The following LUZP2 variants were observed in gnomAD, a reference collection of about 807,000 sequenced individuals.
The protein encoded by LUZP2 is leucine zipper protein 2.
A neutral mutation model predicts 51.6 loss-of-function variants in LUZP2; 52 were observed. The ratio of observed to expected loss-of-function variants is 1.01; its 90% CI spans 0.81 to 1.27. The LOEUF (loss-of-function observed/expected upper bound fraction) is 1.27. Among genes scored for constraint, LUZP2 ranks in the 50% most tolerant of loss-of-function variants. LUZP2 has a pLI of 0.00. For synonymous variants in LUZP2, 154 were observed against 137.3 expected, an observed-to-expected ratio of 1.12 and a Z score of -0.85; for missense variants, 436 against 395.4, an observed-to-expected ratio of 1.10 and a Z score of -0.87.
chr11:24,922,825 C>CTTTTTTTTTTTTTTTT (rs1277388215), intron 7 of LUZP2, among the ~76,000 whole-genome samples: 2 of 44,622 alleles, frequency 4.5e-5, no homozygotes, highest in Non-Finnish European at 6.4e-5. Flanking sequence ...ACAGTTATAT[C>CTTTTTTTTTTTTTTTT]TTTTTTTTTT....
intron 1 of LUZP2, among the ~76,000 whole-genome samples, chr11:24,619,424 A>AT (rs1854417976): frequency 6.6e-6 from 1 of 152,140 alleles, no homozygotes; most frequent in African/African-American, 2.4e-5. Flanking sequence ...GGAGACCAGA[A>AT]TTTTCTTATC....
chr11:24,974,537 T>C (rs2133901636), intron 7 of LUZP2, among the ~76,000 whole-genome samples: 1 of 152,250 alleles, frequency 6.6e-6, no homozygotes, highest in East Asian at 1.9e-4. Context: ...TAGTTCTATG[T>C]ATTTATGACA....
At chr11:24,550,691 C>G (rs1358317437) in intron 1 of LUZP2, among the ~76,000 whole-genome samples, 1 of 152,088 alleles carries the variant, frequency 6.6e-6, no homozygotes, top group African/African-American at 2.4e-5. Context: ...GTACCTTATT[C>G]TCCATGTAAC....
chr11:24,970,833 A>G (rs1855718558), intron 7 of LUZP2, among the ~76,000 whole-genome samples: 1 of 152,184 alleles, frequency 6.6e-6, no homozygotes, highest in African/African-American at 2.4e-5. Flanking sequence ...AGTGAGCCAG[A>G]AACAAAACCA....
chr11:24,732,157 C>T lies in LUZP2; in HGVS notation c.220C>T (p.Gln74Ter). The T allele has an allele frequency of 4.3e-6, 7 of 1,609,458 alleles. No individual in the cohort carries two copies. The highest frequency in any genetic ancestry group is 5.9e-6 in the Non-Finnish European group (7 of 1,177,194). ...NDEQSAKTDV[Q>*]KLLELGQKQR... is the part of the protein sequence containing the mutation. ...TGAGCAGTCTGCCAAAACTGATGTT[C>T]AGAAACTTCTGGAATTAGGACAGAA... The change falls in exon 3 of 12, where the codon CAG (glutamine) becomes TAG (stop). Residue 74 changes from glutamine to a stop codon, truncating the protein, a stop_gained. Transcript: ENST00000336930. LOFTEE classifies it high-confidence loss of function.
chr11:24,709,756 G>C (rs1052279446), intron 1 of LUZP2, among the ~76,000 whole-genome samples: 1 of 152,130 alleles, frequency 6.6e-6, no homozygotes, highest in Admixed American at 6.5e-5. Flanking sequence ...CTTTCTGCCA[G>C]TGTCATCGTT....
intron 9 of LUZP2, among the ~76,000 whole-genome samples, chr11:24,988,837 C>G (rs1308565557): frequency 2.6e-5 from 4 of 151,884 alleles, no homozygotes. Flanking sequence ...AGGACAATAT[C>G]TTTTTTACAT....
chr11:24,550,632 A>G (rs1308432839), intron 1 of LUZP2, among the ~76,000 whole-genome samples: 1 of 152,108 alleles, frequency 6.6e-6, no homozygotes, highest in East Asian at 1.9e-4. Flanking sequence ...ACCACTGTAG[A>G]TGTCCTTCCT....
chr11:24,881,511 C>A (rs1241301831), intron 5 of LUZP2, among the ~76,000 whole-genome samples: 1 of 151,678 alleles, frequency 6.6e-6, no homozygotes, highest in Non-Finnish European at 1.5e-5. Flanking sequence ...CTTTGTCTAC[C>A]TGAGATGTAA....
chr11:24,846,000 T>C, intron 5 of LUZP2, among the ~76,000 whole-genome samples: 1 of 152,228 alleles, frequency 6.6e-6, no homozygotes, highest in East Asian at 1.9e-4. Flanking sequence ...AAATTTTCAA[T>C]AGACATTATA....
At chr11:24,848,054 G>T (rs1805695387) in intron 5 of LUZP2, among the ~76,000 whole-genome samples, 1 of 152,154 alleles carries the variant, frequency 6.6e-6, no homozygotes, top group African/African-American at 2.4e-5. Context: ...ATTTTAGTAG[G>T]AGAGAGTATC....
intron 5 of LUZP2, among the ~76,000 whole-genome samples, chr11:24,846,621 G>C (rs940662684): frequency 6.6e-6 from 1 of 152,068 alleles, no homozygotes; most frequent in African/African-American, 2.4e-5. Context: ...AACCTTACAA[G>C]GAAAATCCCA....
chr11:24,535,729 C>T (rs912821552), intron 1 of LUZP2, among the ~76,000 whole-genome samples: 9 of 128,138 alleles, frequency 7.0e-5, no homozygotes, highest in African/African-American at 2.6e-4. Flanking sequence ...AATAAACTCC[C>T]AAACTCCTGT....
chr11:24,717,764 C>T (rs1158587258), intron 1 of LUZP2, among the ~76,000 whole-genome samples: 1 of 152,030 alleles, frequency 6.6e-6, no homozygotes, highest in East Asian at 1.9e-4. Context: ...CCTTCACCCT[C>T]CATTAGACCC....
intron 9 of LUZP2, among the ~76,000 whole-genome samples, chr11:25,039,491 C>T (rs1169020226): frequency 6.6e-6 from 1 of 152,138 alleles, no homozygotes; most frequent in Admixed American, 6.5e-5. Context: ...TTAGCTGGGG[C>T]TAAAGCCTCT....
intron 5 of LUZP2, among the ~76,000 whole-genome samples, chr11:24,839,352 T>C (rs549943908): frequency 6.6e-6 from 1 of 151,684 alleles, no homozygotes; most frequent in Non-Finnish European, 1.5e-5. Context: ...AATGGTTAAA[T>C]CTTGTTGTTC....
At chr11:24,599,603 T>C (rs977805487) in intron 1 of LUZP2, among the ~76,000 whole-genome samples, 5 of 152,206 alleles carry the variant, frequency 3.3e-5, no homozygotes, top group African/African-American at 1.2e-4. Flanking sequence ...AAGCAGCTAA[T>C]GATCAATTGA....
At chr11:24,707,880 G>A (rs1172293180) in intron 1 of LUZP2, among the ~76,000 whole-genome samples, 1 of 152,150 alleles carries the variant, frequency 6.6e-6, no homozygotes, top group South Asian at 2.1e-4. Flanking sequence ...ATAATGATGA[G>A]TACAAACTTG....
At chr11:24,798,231 A>G (rs539490651) in intron 5 of LUZP2, among the ~76,000 whole-genome samples, 4 of 150,090 alleles carry the variant, frequency 2.7e-5, no homozygotes, top group Admixed American at 6.6e-5. Context: ...GTATTTATCT[A>G]TTGGAAGATG....
Sources: gnomAD v4.1 joint callset for allele counts (sites outside exome capture counted in the v4.1 genomes callset) on GRCh38, gnomAD v4.1.1 for gene constraint, MANE v1.5 for transcripts, NCBI Gene and HGNC (gene_info 2026-07-23, HGNC 2026-07-21) for gene names.